ARHGAP28: variants seen among roughly 807,000 people sequenced by gnomAD.
ARHGAP28 encodes the protein rho GTPase-activating protein 28.
A neutral mutation model predicts 90.7 loss-of-function variants in ARHGAP28; 56 were observed. That is an observed-to-expected ratio of 0.62 (90% CI 0.50 to 0.77). The LOEUF is 0.77. ARHGAP28 is among the 30% of genes least tolerant of loss of function. ARHGAP28 has a pLI of 0.00. For synonymous variants in ARHGAP28, 308 were observed against 323.3 expected, an observed-to-expected ratio of 0.95 and a Z score of 0.51; for missense variants, 869 against 900.9, an observed-to-expected ratio of 0.96 and a Z score of 0.45.
chr18:6,861,088 G>A (rs2056994425), intron 5 of ARHGAP28, among the ~76,000 whole-genome samples: 1 of 152,230 alleles, frequency 6.6e-6, no homozygotes, highest in South Asian at 2.1e-4. Context: ...GGAGTGACCT[G>A]CAGTAGATCT....
Position 6,911,829 on chromosome 18 carries a change from G to T in ARHGAP28, c.2096-231G>T, listed in dbSNP as rs561783923. 5.3e-5 allele frequency among the ~76,000 whole-genome samples: 8 copies of T among 151,674 alleles called. 1 individual carries two copies. The highest frequency in any genetic ancestry group is 1.9e-4 in the African/African-American group (8 of 41,326). ...TCTTCCAAAATTTCACATGAGATTTGTTTGATATACCCATACTTCACAGTC... is the reference window on the plus strand; with the variant it reads ...TCTTCCAAAATTTCACATGAGATTTTTTTGATATACCCATACTTCACAGTC... On this transcript the variant is annotated intron_variant, in intron 17 of 17. Transcript: ENST00000383472.
intron 1 of ARHGAP28, among the ~76,000 whole-genome samples, chr18:6,776,916 A>AG (rs536200629): frequency 3.0e-4 from 46 of 152,148 alleles, no homozygotes; most frequent in Non-Finnish European, 5.3e-4. Context: ...ATACGATTGG[A>AG]GGGGGGATAG....
intron 11 of ARHGAP28, among the ~76,000 whole-genome samples, chr18:6,883,387 C>T (rs545191671): frequency 2.6e-5 from 4 of 152,014 alleles, no homozygotes; most frequent in Admixed American, 2.0e-4. Flanking sequence ...TACAGGTGTG[C>T]GCCACCACAC....
In ARHGAP28 at chr18:6,729,871, A is replaced by G. The variant is rs1484607184; in HGVS notation, c.50A>G (p.Tyr17Cys). ...GTGGTGCTGACCGCCTACCACTCGTACGCGCGCGCCCAGCCCCCCAACGCC... is the reference window on the plus strand; with the variant it reads ...GTGGTGCTGACCGCCTACCACTCGTGCGCGCGCGCCCAGCCCCCCAACGCC... ...GGVVLTAYHS[Y>C]ARAQPPNAES... The change falls in exon 1 of 18, where the codon TAC (tyrosine) becomes TGC (cysteine). Residue 17 changes from tyrosine to cysteine, a missense_variant. Transcript: ENST00000383472. 2 of 1,434,820 alleles carry G rather than the reference A, an allele frequency of 1.4e-6. No individual in the cohort carries two copies. Among genetic ancestry groups the G allele is most frequent in the Non-Finnish European group, 1.8e-6 (2 of 1,097,364 alleles). 88.9% of individuals were successfully genotyped at this position (1,434,820 alleles called of 1,614,324 possible). A position where few individuals can be genotyped will look rare whatever the true frequency, so the allele number is the denominator to read the frequency against.
chr18:6,855,036 G>A (rs1269771712), intron 4 of ARHGAP28, among the ~76,000 whole-genome samples: 9 of 152,210 alleles, frequency 5.9e-5, no homozygotes, highest in African/African-American at 9.6e-5. Context: ...GAGGGAGGCC[G>A]AGGTGGGTGC....
At position 6,758,227 on chromosome 18, in the gene ARHGAP28, G is replaced by C. The variant is rs139239942; in HGVS notation, c.122+28284G>C. 3.8e-4 allele frequency among the ~76,000 whole-genome samples: 58 copies of C among 152,290 alleles called. No homozygotes were observed. The East Asian group carries it at 8.9e-3, about 23-fold the overall frequency. ...ATACTATAATAAAACCATCAGATGA[G>C]CAATGGGTGAGGGGCCGGGGAACTT... On this transcript the variant is annotated intron_variant, in intron 1 of 17. Coordinates refer to ENST00000383472, the MANE Select transcript of ARHGAP28 (RefSeq NM_001366230.1).
chr18:6,835,657 CAT>C (rs2056747587), intron 2 of ARHGAP28, among the ~76,000 whole-genome samples: 1 of 152,152 alleles, frequency 6.6e-6, no homozygotes. Context: ...TTCCCAGAAA[CAT>C]ATGTGTAGTA....
Position 6,805,706 on chromosome 18 carries a change from G to A in ARHGAP28, c.123-19056G>A, listed in dbSNP as rs111849290. Among the ~76,000 whole-genome samples, 1,148 of 151,388 alleles carry A rather than the reference G, an allele frequency of 7.6e-3. 6 individuals carry two copies. The highest frequency in any genetic ancestry group is 0.012 in the Non-Finnish European group (786 of 67,804). ...TCACCATGTTGGCCAGGCTGGTCTC[G>A]AACTCCTGACCTCAGGTGATCCACC... On this transcript the variant is annotated intron_variant, in intron 1 of 17. Coordinates refer to ENST00000383472, the MANE Select transcript of ARHGAP28 (RefSeq NM_001366230.1).
chr18:6,791,076 A>G (rs1414647763), intron 1 of ARHGAP28: 1 of 152,194 alleles, frequency 6.6e-6, no homozygotes. Flanking sequence ...TAGGATATAT[A>G]TATATAAAGG....
At chr18:6,791,918 C>G (rs1316116441) in intron 1 of ARHGAP28, among the ~76,000 whole-genome samples, 1 of 151,670 alleles carries the variant, frequency 6.6e-6, no homozygotes, top group Non-Finnish European at 1.5e-5. Context: ...CCTGCCTCAG[C>G]CTCCTGAGTA....
intron 6 of ARHGAP28, among the ~76,000 whole-genome samples, chr18:6,869,867 G>A (rs775829134): frequency 2.0e-5 from 3 of 152,128 alleles, no homozygotes; most frequent in Admixed American, 1.3e-4. Flanking sequence ...ATCTGAATCC[G>A]AAATCAGGTT....
At chr18:6,850,265 A>G (rs761149810) in intron 3 of ARHGAP28, among the ~76,000 whole-genome samples, 3 of 152,078 alleles carry the variant, frequency 2.0e-5, no homozygotes, top group Non-Finnish European at 2.9e-5. Flanking sequence ...TCTTTCCTCA[A>G]TTATCTGCTT....
chr18:6,901,048 T>A (rs1007345693), intron 16 of ARHGAP28, among the ~76,000 whole-genome samples: 1 of 152,114 alleles, frequency 6.6e-6, no homozygotes, highest in African/African-American at 2.4e-5. Flanking sequence ...AGCAAAAATG[T>A]CCTTCTGGAA....
intron 1 of ARHGAP28, among the ~76,000 whole-genome samples, chr18:6,821,531 G>T (rs1334355027): frequency 6.6e-6 from 1 of 152,184 alleles, no homozygotes; most frequent in Non-Finnish European, 1.5e-5. Context: ...TCAAAATTAC[G>T]TAATGTTTCA....
rs191488030 is a variant in ARHGAP28, at chr18:6,867,081, T to C, written c.727-1069T>C. Among the ~76,000 whole-genome samples the C allele has an allele frequency of 6.3e-4, 96 of 152,324 alleles. 1 individual carries two copies. The East Asian group carries it at 0.017, about 27-fold the overall frequency. The stretch of plus-strand genomic sequence containing the variant: ...TGACCCTAGACCTTTTTTCGGTTTG[T>C]CATTCTTCCACCAATTACAGTAATT... On this transcript the variant is annotated intron_variant, in intron 5 of 17. Transcript: ENST00000383472.
intron 1 of ARHGAP28, among the ~76,000 whole-genome samples, chr18:6,739,218 A>G (rs2055954184): frequency 6.6e-6 from 1 of 152,066 alleles, no homozygotes; most frequent in African/African-American, 2.4e-5. Context: ...TCTCTGCCTC[A>G]ATTTGATTAT....
At chr18:6,797,245 A>C (rs76078963) in intron 1 of ARHGAP28, among the ~76,000 whole-genome samples, 2,698 of 152,296 alleles carry the variant, frequency 0.018, 85 homozygotes, top group African/African-American at 0.062. Context: ...ACCTGAAGCA[A>C]GACTTCAGAA....
At chr18:6,880,147 C>T (rs2057166227) in intron 10 of ARHGAP28, among the ~76,000 whole-genome samples, 1 of 152,154 alleles carries the variant, frequency 6.6e-6, no homozygotes, top group African/African-American at 2.4e-5. Context: ...GCTTACTCCT[C>T]CTCCTGTGTT....
intron 1 of ARHGAP28, among the ~76,000 whole-genome samples, chr18:6,763,530 TC>T (rs1190370923): frequency 6.6e-6 from 1 of 152,242 alleles, no homozygotes; most frequent in Non-Finnish European, 1.5e-5. Context: ...GAGTTTGACT[TC>T]CAGACTAGCC....
Sources: gnomAD v4.1 joint callset for allele counts (sites outside exome capture counted in the v4.1 genomes callset) on GRCh38, gnomAD v4.1.1 for gene constraint, MANE v1.5 for transcripts, NCBI Gene and HGNC (gene_info 2026-07-23, HGNC 2026-07-21) for gene names.